The following FGL1 variants were observed in gnomAD, a reference collection of about 807,000 sequenced individuals.
FGL1 encodes fibrinogen like 1, also known as fibrinogen-like protein 1.
FGL1 carries 59 observed loss-of-function variants against 43.7 expected under a neutral mutation model. The observed-to-expected ratio is 1.35, with a 90% CI of 1.10 to 1.68. FGL1 has a LOEUF of 1.68. Among genes scored for constraint, FGL1 ranks in the 40% most tolerant of loss-of-function variants. The pLI, the probability that FGL1 is intolerant of heterozygous loss-of-function variation, is 0.00. For missense variants in FGL1, 596 were observed against 373.0 expected (o/e 1.60, Z -4.92); for synonymous variants, 192 against 126.5 (o/e 1.52, Z -3.48).
At position 17,868,180 on chromosome 8, in the gene FGL1, G is replaced by C. The variant is rs553117661; in HGVS notation, c.779+368C>G. Among the ~76,000 whole-genome samples, 6 of 152,268 alleles carry C rather than the reference G, an allele frequency of 3.9e-5. No homozygotes were observed. The South Asian group carries it at 1.2e-3, about 32-fold the overall frequency. ...TTACAGCAATAACGGTGGCTCTTTT[G>C]TGTGATATGGTCAGGTGAAGAACTA... On this transcript the variant is annotated intron_variant, in intron 7 of 7. Coordinates refer to ENST00000427924, the MANE Select transcript of FGL1 (RefSeq NM_004467.4).
intron 7 of FGL1, among the ~76,000 whole-genome samples, chr8:17,867,020 G>A (rs1229474748): frequency 6.6e-6 from 1 of 152,098 alleles, no homozygotes; most frequent in African/African-American, 2.4e-5. Flanking sequence ...TCACACTGCT[G>A]GAAATACTCC....
At chr8:17,871,766 G>A (rs1402211533) in intron 5 of FGL1, among the ~76,000 whole-genome samples, 1 of 152,130 alleles carries the variant, frequency 6.6e-6, no homozygotes, top group Non-Finnish European at 1.5e-5. Flanking sequence ...GATGGGATAC[G>A]TGGGTGGGGG....
rs184476265 is a variant in FGL1 at position 17,864,622 on chromosome 8, C to G, written c.909G>C (p.Arg303Ser). 1.2e-5 allele frequency: 20 copies of G among 1,609,848 alleles called. No individual in the cohort carries two copies. The highest frequency in any genetic ancestry group is 1.7e-5 in the Non-Finnish European group (20 of 1,179,048). The part of the protein sequence containing the change: ...YSLKSVVMKI[R>S]PNDFIPNVI ...TTACATTTGGAATAAAATCATTTGG[C>G]CTAATTTTCATAACCACAGATTTCA... is the stretch of plus-strand genomic sequence containing the variant. The change falls in exon 8 of 8, where the codon AGG becomes AGC. Residue 303 changes from arginine (R) to serine (S), a missense_variant. Arg to Ser is a moderately radical substitution (Grantham distance 110, BLOSUM62 -1). Coordinates refer to ENST00000427924, the MANE Select transcript of FGL1 (RefSeq NM_004467.4).
rs35899868 is a variant in FGL1, at chr8:17,887,834, CAA to C, written c.-17-2265_-17-2264del. Reference sequence around the variant, plus strand: ...CAGGTGACAGTGCGAGACTCCATCTCAAAAAAAAAAAAAAGTATCTCTAGACC... The same window carrying C: ...CAGGTGACAGTGCGAGACTCCATCTCAAAAAAAAAAAAGTATCTCTAGACC... On this transcript the variant is annotated intron_variant, in intron 1 of 7. Coordinates refer to ENST00000427924, the MANE Select transcript of FGL1 (RefSeq NM_004467.4). Among the ~76,000 whole-genome samples, 885 of 143,558 alleles carry C rather than the reference CAA, an allele frequency of 6.2e-3. 4 individuals carry two copies. The highest frequency in any genetic ancestry group is 0.027 in the East Asian group (132 of 4,824). 94.2% of individuals were successfully genotyped at this position (143,558 alleles called of 152,430 possible). A position where few individuals can be genotyped will look rare whatever the true frequency, so the allele number is the denominator to read the frequency against.
At chr8:17,864,820 AT>A in intron 7 of FGL1, 69 bp from the exon 8 acceptor site, 1 of 1,262,120 alleles carries the variant, frequency 7.9e-7, no homozygotes, top group Non-Finnish European at 1.0e-6. Context: ...AATCCCTTTT[AT>A]TTTGCTACAA....
intron 5 of FGL1, among the ~76,000 whole-genome samples, chr8:17,870,963 G>A (rs369343016): frequency 2.9e-4 from 14 of 47,482 alleles, no homozygotes; most frequent in South Asian, 1.9e-3. Context: ...ACACCAGGAC[G>A]AGAACATCCT....
At chr8:17,892,153 T>C (rs1379463756) in intron 1 of FGL1, among the ~76,000 whole-genome samples, 1 of 152,100 alleles carries the variant, frequency 6.6e-6, no homozygotes, top group African/African-American at 2.4e-5. Context: ...CTATCTAATT[T>C]TAAAATTTAT....
chr8:17,870,706 G>A (rs1186809614), intron 5 of FGL1, among the ~76,000 whole-genome samples: 1 of 152,154 alleles, frequency 6.6e-6, no homozygotes, highest in Non-Finnish European at 1.5e-5. Context: ...AGGAGATCGA[G>A]ACCATCCTGG....
In FGL1 at chr8:17,889,731, A is replaced by G. The variant is rs151081479; in HGVS notation, c.-17-4160T>C. ...CCAAATCTCCTGAACCTCTTTCTTT[A>G]TTGCCTGGTTAATCCTTTCTTACTG... is the stretch of plus-strand genomic sequence containing the variant. On this transcript the variant is annotated intron_variant, in intron 1 of 7. Transcript: ENST00000427924. 8.0e-3 allele frequency among the ~76,000 whole-genome samples: 1,217 copies of G among 152,234 alleles called. 7 individuals carry two copies. The highest frequency in any genetic ancestry group is 0.017 in the Middle Eastern group (5 of 294).
intron 7 of FGL1, among the ~76,000 whole-genome samples, chr8:17,867,172 C>T (rs141729334): frequency 3.3e-5 from 5 of 152,262 alleles, no homozygotes; most frequent in African/African-American, 1.2e-4. Context: ...CTAGTGGATG[C>T]CTGAAACTAC....
At chr8:17,891,413 C>T (rs1240103844) in intron 1 of FGL1, 1 of 152,216 alleles carries the variant, frequency 6.6e-6, no homozygotes, top group East Asian at 1.9e-4. Flanking sequence ...TTCTCTGATA[C>T]CATCTTCACA....
chr8:17,868,378 C>G (rs1050361713), intron 7 of FGL1, 170 bp downstream of exon 7: 3 of 458,278 alleles, frequency 6.5e-6, no homozygotes, highest in African/African-American at 6.1e-5. Flanking sequence ...ACACAATGAA[C>G]AAATCCTCAA....
intron 5 of FGL1, among the ~76,000 whole-genome samples, chr8:17,870,956 C>G (rs1346592290): frequency 2.2e-5 from 1 of 45,150 alleles, no homozygotes; most frequent in Non-Finnish European, 5.7e-5. Context: ...GGTGCACACA[C>G]CAGGACGAGA....
chr8:17,884,711 T>G (rs566758588), intron 2 of FGL1, among the ~76,000 whole-genome samples: 2 of 152,322 alleles, frequency 1.3e-5, no homozygotes, highest in East Asian at 3.9e-4. Context: ...TTTAAAATAA[T>G]TGAAGACATC....
rs138442840 is a variant in FGL1 at position 17,868,583 on chromosome 8, G to A, written c.744C>T (p.Cys248=). The change falls in exon 7 of 8, where the codon TGC becomes TGT. Residue 248 remains cysteine, a synonymous_variant. Transcript: ENST00000427924. ...ACCAGCCAGACTGATCTTCTTCTGC[G>A]CAGTTCCCTTCATAGTTGTCATGAT... ...DRDHDNYEGN[C]AEEDQSGWWF... 60 of 1,613,450 alleles carry A rather than the reference G, an allele frequency of 3.7e-5. No homozygotes were observed. Among genetic ancestry groups the A allele is most frequent in the African/African-American group, 1.2e-4 (9 of 74,868 alleles).
chr8:17,871,496 A>AC (rs986105185), intron 5 of FGL1, among the ~76,000 whole-genome samples: 3 of 151,134 alleles, frequency 2.0e-5, no homozygotes, highest in African/African-American at 4.9e-5. Context: ...TGTCTCAAAA[A>AC]AAAAAACAAA....
intron 1 of FGL1, among the ~76,000 whole-genome samples, chr8:17,890,485 C>A (rs2053688455): frequency 6.6e-6 from 1 of 152,094 alleles, no homozygotes; most frequent in African/African-American, 2.4e-5. Context: ...TTCTCTCTAC[C>A]TGGAATGCTC....
chr8:17,867,984 T>C (rs968903278), intron 7 of FGL1, among the ~76,000 whole-genome samples: 1 of 152,116 alleles, frequency 6.6e-6, no homozygotes, highest in South Asian at 2.1e-4. Flanking sequence ...AGCAACTATA[T>C]ACAATCAAAA....
At chr8:17,885,311 A>C (rs1269942125) in intron 2 of FGL1, among the ~76,000 whole-genome samples, 181 bp downstream of exon 2, 1 of 152,072 alleles carries the variant, frequency 6.6e-6, no homozygotes, top group East Asian at 1.9e-4. Flanking sequence ...CCCTGCAAAA[A>C]TGTAAAGCGC....
Sources: allele counts gnomAD v4.1 joint callset (sites outside exome capture counted in the v4.1 genomes callset), GRCh38; gene constraint gnomAD v4.1.1; transcripts MANE v1.5; gene names NCBI Gene and HGNC (gene_info 2026-07-23, HGNC 2026-07-21).